The following EFCAB8 variants were observed in gnomAD, a reference collection of about 807,000 sequenced individuals.
EFCAB8 encodes the protein EF-hand calcium-binding domain-containing protein 8.
EFCAB8 carries 100 observed loss-of-function variants against 116.3 expected under a neutral mutation model. The observed-to-expected ratio is 0.86, with a 90% CI of 0.73 to 1.02. The LOEUF (loss-of-function observed/expected upper bound fraction) is 1.02, where lower values mean the gene tolerates loss of function less well. Ranked by LOEUF, EFCAB8 falls within the 50% of genes least tolerant of loss-of-function variation. The pLI is 0.00. For missense variants in EFCAB8, 1,320 were observed against 1,416.9 expected, an observed-to-expected ratio of 0.93 and a Z score of 1.10; for synonymous variants, 558 against 567.9, an observed-to-expected ratio of 0.98 and a Z score of 0.25.
chr20:32,933,528 G>C (rs1987985803), intron 22 of EFCAB8, among the ~76,000 whole-genome samples: 1 of 152,086 alleles, frequency 6.6e-6, no homozygotes, highest in Non-Finnish European at 1.5e-5. Flanking sequence ...ACTGACTATA[G>C]TCACTCTGCT....
chr20:32,862,796 T>A (rs945081776), intron 1 of EFCAB8, among the ~76,000 whole-genome samples: 6 of 151,712 alleles, frequency 4.0e-5, no homozygotes, highest in African/African-American at 1.5e-4. Context: ...CCCGGCTAAT[T>A]TTTTATATTT....
chr20:32,892,246 G>A lies in EFCAB8; in HGVS notation c.707G>A (p.Arg236Gln). 3 of 1,551,568 alleles carry A rather than the reference G, an allele frequency of 1.9e-6. No individual in the cohort carries two copies. Among genetic ancestry groups the A allele is most frequent in the South Asian group, 1.2e-5 (1 of 84,056 alleles). ...GATATTAGTGACCACAAATGTGTCC[G>A]GGCCTTCACCTTTGTTGATCTGGAC... is the stretch of plus-strand genomic sequence containing the variant. ...FFDISDHKCV[R>Q]AFTFVDLDSC... is the part of the protein sequence containing the mutation. The change falls in exon 8 of 27, where the codon CGG becomes CAG. Residue 236 changes from arginine to glutamine, a missense_variant. Arg to Gln is a conservative substitution (Grantham distance 43). Coordinates refer to ENST00000400522, the MANE Select transcript of EFCAB8 (RefSeq NM_001143967.2).
intron 9 of EFCAB8, among the ~76,000 whole-genome samples, chr20:32,895,874 G>C (rs1231008087): frequency 6.6e-6 from 1 of 151,986 alleles, no homozygotes; most frequent in Non-Finnish European, 1.5e-5. Flanking sequence ...CCTGGCCCAG[G>C]CTGGTCTCTT....
intron 10 of EFCAB8, 149 bp downstream of exon 10, chr20:32,896,676 G>A (rs1986177096): frequency 1.6e-6 from 1 of 619,378 alleles, no homozygotes; most frequent in East Asian, 2.8e-5. Context: ...GCAGCTGTTG[G>A]ATCCCGTCAG....
intron 4 of EFCAB8, among the ~76,000 whole-genome samples, chr20:32,877,638 C>T (rs1985050023): frequency 6.6e-6 from 1 of 152,240 alleles, no homozygotes; most frequent in Non-Finnish European, 1.5e-5. Context: ...ACCCAGTGGT[C>T]CTTGTTTACA....
chr20:32,924,899 C>T (rs1295612583), intron 20 of EFCAB8, among the ~76,000 whole-genome samples: 1 of 152,172 alleles, frequency 6.6e-6, no homozygotes, highest in Non-Finnish European at 1.5e-5. Context: ...CCGCACCACT[C>T]CTTGAGGAGC....
chr20:32,893,104 G>T (rs1947929196), intron 8 of EFCAB8, 70 bp from the exon 9 acceptor site: 1 of 1,537,934 alleles, frequency 6.5e-7, no homozygotes, highest in Non-Finnish European at 8.8e-7. Context: ...GCCTCCCAGA[G>T]TGCTGGTCTT....
At chr20:32,880,063 G>C (rs993256486) in intron 5 of EFCAB8, among the ~76,000 whole-genome samples, 6 of 152,138 alleles carry the variant, frequency 3.9e-5, no homozygotes, top group African/African-American at 1.4e-4. Flanking sequence ...GGGGCAGGTG[G>C]CCAGGCAGGG....
intron 5 of EFCAB8, among the ~76,000 whole-genome samples, chr20:32,882,859 C>T (rs996551142): frequency 1.3e-5 from 2 of 152,068 alleles, no homozygotes; most frequent in Non-Finnish European, 2.9e-5. Flanking sequence ...CCATGCCCAG[C>T]GATTTTTTTG....
intron 17 of EFCAB8, among the ~76,000 whole-genome samples, chr20:32,914,478 TG>T (rs1987090321): frequency 6.6e-6 from 1 of 152,230 alleles, no homozygotes; most frequent in African/African-American, 2.4e-5. Flanking sequence ...TGTATTAGTT[TG>T]TTTTCACACT....
intron 23 of EFCAB8, among the ~76,000 whole-genome samples, chr20:32,952,825 T>C (rs1401145166): frequency 6.6e-6 from 1 of 152,224 alleles, no homozygotes; most frequent in Non-Finnish European, 1.5e-5. Flanking sequence ...AAAATTGTGG[T>C]AAAATATATA....
rs184582583 is a variant in EFCAB8 at position 32,924,485 on chromosome 20, T to C, written c.2412+4270T>C. On this transcript the variant is annotated intron_variant, in intron 20 of 26. Coordinates refer to ENST00000400522, the MANE Select transcript of EFCAB8 (RefSeq NM_001143967.2). ...AAAAGAATGTATGTGAAAAGAATGT[T>C]TAATACATCTGAAAAGAATGTACTA... Among the ~76,000 whole-genome samples, 352 of 152,356 alleles carry C rather than the reference T, an allele frequency of 2.3e-3. 17 individuals are homozygous for C. The highest frequency in any genetic ancestry group is 0.02 in the Admixed American group (310 of 15,308).
At chr20:32,910,028 C>A (rs1211695938) in intron 15 of EFCAB8, 97 bp downstream of exon 15, 4 of 534,558 alleles carry the variant, frequency 7.5e-6, no homozygotes, top group African/African-American at 2.0e-5. Context: ...GTAGTCAGCT[C>A]CCATGGCACA....
chr20:32,909,966 G>A, intron 15 of EFCAB8, 35 bp downstream of exon 15: 1 of 1,146,728 alleles, frequency 8.7e-7, no homozygotes, highest in Non-Finnish European at 1.1e-6. Context: ...GAGGCTGGCG[G>A]GAACACCAGG....
rs1045640031 is a variant in EFCAB8 at position 32,930,463 on chromosome 20, C to T, written c.2478C>T (p.Asp826=). ...HTAALLSSCM[D]GYIYAWSLHE... Reference sequence around the variant, plus strand: ...CTGCCCTGCTGAGCAGCTGCATGGACGGCTACATCTACGCCTGGTCCCTCC... The same window carrying T: ...CTGCCCTGCTGAGCAGCTGCATGGATGGCTACATCTACGCCTGGTCCCTCC... The change falls in exon 21 of 27, where the codon GAC becomes GAT. Residue 826 remains aspartate, a synonymous_variant. Transcript: ENST00000400522. The T allele has an allele frequency of 6.3e-5, 97 of 1,551,764 alleles. No individual in the cohort carries two copies. The highest frequency in any genetic ancestry group is 3.3e-4 in the Middle Eastern group (2 of 6,016).
chr20:32,889,239 G>T, intron 6 of EFCAB8, 62 bp from the exon 7 acceptor site: 1 of 1,433,124 alleles, frequency 7.0e-7, no homozygotes, highest in South Asian at 1.2e-5. Flanking sequence ...AGAGGTTCAT[G>T]GGGAGCTGCA....
chr20:32,926,588 C>T (rs1370553026), intron 20 of EFCAB8, among the ~76,000 whole-genome samples: 1 of 149,222 alleles, frequency 6.7e-6, no homozygotes, highest in Non-Finnish European at 1.5e-5. Context: ...TATACATGTG[C>T]CATGCTGGTG....
chr20:32,880,409 C>T (rs1003686267), intron 5 of EFCAB8, among the ~76,000 whole-genome samples: 2 of 151,992 alleles, frequency 1.3e-5, no homozygotes, highest in African/African-American at 2.4e-5. Context: ...GCTGGGATTA[C>T]GAACGCCTGC....
chr20:32,881,069 G>A (rs6579042), intron 5 of EFCAB8, among the ~76,000 whole-genome samples: 59,003 of 152,078 alleles, frequency 0.39, 13,169 homozygotes, highest in Middle Eastern at 0.53. Context: ...ATGTCTCCCA[G>A]GCTGAGGCCA....
Sources: allele counts gnomAD v4.1 joint callset (sites outside exome capture counted in the v4.1 genomes callset), GRCh38; gene constraint gnomAD v4.1.1; transcripts MANE v1.5; gene names NCBI Gene and HGNC (gene_info 2026-07-23, HGNC 2026-07-21).